The following ANO3 variants were observed in gnomAD, a reference collection of about 807,000 sequenced individuals.
The protein encoded by ANO3 is anoctamin 3.
A neutral mutation model predicts 144.8 loss-of-function variants in ANO3; 99 were observed. The ratio of observed to expected loss-of-function variants is 0.68; its 90% confidence interval spans 0.58 to 0.81. The LOEUF (loss-of-function observed/expected upper bound fraction) is 0.81. Ranked by LOEUF, ANO3 falls within the 30% of genes least tolerant of loss-of-function variation. The probability of loss-of-function intolerance (pLI) is 0.00; values close to 1 mark genes in which losing one functional copy is unlikely to be tolerated. For synonymous variants in ANO3, 414 were observed against 392.6 expected (o/e 1.05, Z -0.64); for missense variants, 905 against 1,202.2 (o/e 0.75, Z 3.66).
chr11:26,365,552 T>C (rs1241425750), intron 1 of ANO3, among the ~76,000 whole-genome samples: 2 of 152,250 alleles, frequency 1.3e-5, no homozygotes. Flanking sequence ...AAGTGGAGGA[T>C]GCTAAGCCTG....
chr11:26,289,863 GA>G (rs539088684), intron 1 of ANO3, among the ~76,000 whole-genome samples: 1 of 151,530 alleles, frequency 6.6e-6, no homozygotes, highest in Non-Finnish European at 1.5e-5. Context: ...GTTCATCAGG[GA>G]TATTGGTCTA....
intron 1 of ANO3, among the ~76,000 whole-genome samples, chr11:26,255,147 A>G (rs1206125543): frequency 6.6e-6 from 1 of 152,206 alleles, no homozygotes; most frequent in Non-Finnish European, 1.5e-5. Context: ...AGAGAGATTA[A>G]TTAGGAAAGT....
chr11:26,264,074 C>T (rs79097165), intron 1 of ANO3, among the ~76,000 whole-genome samples: 3,050 of 152,188 alleles, frequency 0.02, 63 homozygotes, highest in East Asian at 0.12. Flanking sequence ...TTCTGCAAAA[C>T]ATATTTTCTT....
chr11:26,629,634 A>G (rs1340894617), intron 18 of ANO3, among the ~76,000 whole-genome samples: 1 of 151,120 alleles, frequency 6.6e-6, no homozygotes, highest in Non-Finnish European at 1.5e-5. Context: ...TAAACCTGCT[A>G]TTTTTTTTTC....
intron 17 of ANO3, among the ~76,000 whole-genome samples, chr11:26,622,190 A>G (rs1389504944): frequency 6.6e-6 from 1 of 152,220 alleles, no homozygotes; most frequent in Non-Finnish European, 1.5e-5. Flanking sequence ...TTGCAACAGC[A>G]TTATGGCATC....
intron 14 of ANO3, among the ~76,000 whole-genome samples, chr11:26,596,587 G>A (rs7935694): frequency 0.12 from 18,646 of 152,112 alleles, 1,381 homozygotes; most frequent in African/African-American, 0.21. Flanking sequence ...AGGACACAGC[G>A]TAGAGCTTCC....
intron 1 of ANO3, among the ~76,000 whole-genome samples, chr11:26,368,119 GTC>G (rs1350581863): frequency 6.6e-6 from 1 of 152,184 alleles, no homozygotes; most frequent in Admixed American, 6.5e-5. Flanking sequence ...AGATAGCATA[GTC>G]TCTATATTTT....
chr11:26,594,004 G>A (rs1851532695), intron 14 of ANO3, among the ~76,000 whole-genome samples: 1 of 152,158 alleles, frequency 6.6e-6, no homozygotes, highest in Non-Finnish European at 1.5e-5. Flanking sequence ...CTGACTGAGT[G>A]ATAAGCTTAT....
chr11:26,399,669 A>G (rs1236211589), intron 1 of ANO3, among the ~76,000 whole-genome samples: 4 of 151,880 alleles, frequency 2.6e-5, no homozygotes, highest in South Asian at 4.1e-4. Context: ...TTTCTCATTC[A>G]TCTTTGAATG....
intron 4 of ANO3, among the ~76,000 whole-genome samples, chr11:26,487,757 C>T (rs147254609): frequency 0.011 from 1,730 of 152,276 alleles, 20 homozygotes; most frequent in Non-Finnish European, 0.018. Flanking sequence ...GCATTTCACC[C>T]CTGCCCTAGA....
Position 26,660,400 on chromosome 11 carries a change from C to A in ANO3, c.2902C>A (p.Gln968Lys). ...YEAELEHLQQQRRKSGQPVHH... is the reference protein window; with the variant it reads ...YEAELEHLQQKRRKSGQPVHH... ...GGCTGAACTGGAACATTTGCAACAACAACGGAGAAAAAGTGGTCAGCCTGT... is the reference window on the plus strand; with the variant it reads ...GGCTGAACTGGAACATTTGCAACAAAAACGGAGAAAAAGTGGTCAGCCTGT... The change falls in exon 27 of 27, where the codon CAA (glutamine) becomes AAA (lysine). Residue 968 changes from glutamine to lysine, a missense_variant. By Grantham distance (53) the Gln-to-Lys change is moderately conservative. Transcript: ENST00000256737. 2 of 1,612,680 alleles carry A rather than the reference C, an allele frequency of 1.2e-6. No individual in the cohort carries two copies. The highest frequency in any genetic ancestry group is 1.7e-6 in the Non-Finnish European group (2 of 1,179,298).
At chr11:26,342,093 C>G (rs1268281554) in intron 1 of ANO3, among the ~76,000 whole-genome samples, 1 of 152,158 alleles carries the variant, frequency 6.6e-6, no homozygotes, top group African/African-American at 2.4e-5. Flanking sequence ...TATTAACCAT[C>G]AAAACAGATG....
At chr11:26,556,129 C>T (rs1391874635) in intron 13 of ANO3, among the ~76,000 whole-genome samples, 2 of 151,754 alleles carry the variant, frequency 1.3e-5, no homozygotes, top group African/African-American at 4.8e-5. Flanking sequence ...TATTTTAGTA[C>T]TTAAAAGTAT....
At chr11:26,531,453 A>T (rs1321101599) in intron 8 of ANO3, 117 bp downstream of exon 8, 1 of 1,205,532 alleles carries the variant, frequency 8.3e-7, no homozygotes, top group Non-Finnish European at 1.1e-6. Context: ...AGAACTTATC[A>T]TTGTATTAAA....
At chr11:26,300,611 G>A (rs534671197) in intron 1 of ANO3, among the ~76,000 whole-genome samples, 4 of 152,182 alleles carry the variant, frequency 2.6e-5, no homozygotes, top group East Asian at 1.9e-4. Flanking sequence ...CCCAGATTTT[G>A]GCAGTCACAT....
chr11:26,374,855 T>C (rs1421637337), intron 1 of ANO3, among the ~76,000 whole-genome samples: 2 of 152,228 alleles, frequency 1.3e-5, no homozygotes, highest in Non-Finnish European at 2.9e-5. Flanking sequence ...GCAATTCTCC[T>C]GACTAAGCCT....
chr11:26,630,142 C>A lies in ANO3; in HGVS notation c.1874-4062C>A, dbSNP rs573180112. ...AAATAGCAGCCCAATAAACACTTGT[C>A]AGAAGAGTGGATGAAAAATTAATGA... On this transcript the variant is annotated intron_variant, in intron 18 of 26. Coordinates refer to ENST00000256737, the MANE Select transcript of ANO3 (RefSeq NM_031418.4). 2.6e-5 allele frequency among the ~76,000 whole-genome samples: 4 copies of A among 152,174 alleles called. No homozygotes were observed. In the South Asian group the frequency reaches 8.3e-4, roughly 32 times the overall value.
intron 1 of ANO3, among the ~76,000 whole-genome samples, chr11:26,424,788 A>T (rs1463750858): frequency 6.6e-6 from 1 of 152,096 alleles, no homozygotes; most frequent in African/African-American, 2.4e-5. Flanking sequence ...CTACTATAGA[A>T]AACATCAGTC....
chr11:26,275,170 T>C (rs1431393206), intron 1 of ANO3, among the ~76,000 whole-genome samples: 1 of 152,140 alleles, frequency 6.6e-6, no homozygotes. Context: ...ACCAGCGTTA[T>C]ATTTAGAAGA....
Sources: gnomAD v4.1 joint callset for allele counts (sites outside exome capture counted in the v4.1 genomes callset) on GRCh38, gnomAD v4.1.1 for gene constraint, MANE v1.5 for transcripts, NCBI Gene and HGNC (gene_info 2026-07-23, HGNC 2026-07-21) for gene names.